Variants in WDR41 observed in about 807,000 individuals in gnomAD.
The protein encoded by WDR41 is WD repeat domain 41.
WDR41 carries 63 observed loss-of-function variants against 69.3 expected under a neutral mutation model. That is an observed-to-expected ratio of 0.91 (90% CI 0.74 to 1.12). The LOEUF is 1.12. Ranked by LOEUF, WDR41 falls within the 50% of genes most tolerant of loss-of-function variation. The probability of loss-of-function intolerance (pLI) is 0.00; values close to 1 mark genes in which losing one functional copy is unlikely to be tolerated. For missense variants in WDR41, 543 were observed against 534.5 expected (o/e 1.02, Z -0.16); for synonymous variants, 185 against 192.1 (o/e 0.96, Z 0.31).
intron 1 of WDR41, among the ~76,000 whole-genome samples, chr5:77,497,994 T>A (rs335657): frequency 0.59 from 89,860 of 152,044 alleles, 27,823 homozygotes; most frequent in African/African-American, 0.77. Flanking sequence ...CCAAACACAG[T>A]AGAATAAATA....
At position 77,613,297 on chromosome 5, in the gene WDR41, T is replaced by G. The variant is rs998413138; in HGVS notation, c.42+7182A>C. On this transcript the variant is annotated intron_variant, in intron 1 of 5. Transcript: ENST00000509971. ...TTCACAGAATTGGAAAAAACTACTT[T>G]AAAGTTCATATGGAACCAAAAAAGA... Among the ~76,000 whole-genome samples the G allele has an allele frequency of 1.9e-3, 282 of 152,208 alleles. 1 individual carries two copies. Among genetic ancestry groups the G allele is most frequent in the African/African-American group, 6.3e-3 (263 of 41,520 alleles).
chr5:77,512,331 T>TGAGTGAGAGAGAGAGAGAGAGA (rs1554034068), intron 1 of WDR41, among the ~76,000 whole-genome samples: 2 of 87,934 alleles, frequency 2.3e-5, no homozygotes, highest in African/African-American at 1.0e-4. Flanking sequence ...ATGGGGTGAG[T>TGAGTGAGAGAGAGAGAGAGAGA]GAGAGAGAGA....
rs34759217 is a variant in WDR41, at chr5:77,599,197, CTTTTTTTTTTTTT to C, written c.42+21269_42+21281del. Among the ~76,000 whole-genome samples, 259 of 76,222 alleles carry C rather than the reference CTTTTTTTTTTTTT, an allele frequency of 3.4e-3. 2 individuals carry two copies. The highest frequency in any genetic ancestry group is 0.012 in the African/African-American group (245 of 20,412). 50.0% of individuals were successfully genotyped at this position (76,222 alleles called of 152,430 possible). ...GGTTATCTCTTGCTAATCGGAAGCT[CTTTTTTTTTTTTT>C]TTTTTTTTTTGAGATGGAGTCTCTC... On this transcript the variant is annotated intron_variant, in intron 1 of 5. Transcript: ENST00000509971.
At chr5:77,517,390 A>G (rs1382477997) in intron 1 of WDR41, among the ~76,000 whole-genome samples, 2 of 152,072 alleles carry the variant, frequency 1.3e-5, no homozygotes, top group East Asian at 3.8e-4. Flanking sequence ...AACAAAAACA[A>G]AAACAAAAAC....
intron 1 of WDR41, among the ~76,000 whole-genome samples, chr5:77,540,957 C>G (rs1337140476): frequency 6.6e-6 from 1 of 152,016 alleles, no homozygotes; most frequent in African/African-American, 2.4e-5. Flanking sequence ...TTCTAAAACC[C>G]CTACCAGTAC....
At chr5:77,610,199 A>T (rs1041422342) in intron 1 of WDR41, among the ~76,000 whole-genome samples, 9 of 152,382 alleles carry the variant, frequency 5.9e-5, no homozygotes, top group African/African-American at 1.7e-4. Flanking sequence ...CCTGAAAGTT[A>T]TGGGGAGAAT....
intron 1 of WDR41, among the ~76,000 whole-genome samples, chr5:77,620,314 A>G (rs1744757181): frequency 6.6e-6 from 1 of 152,228 alleles, no homozygotes; most frequent in South Asian, 2.1e-4. Flanking sequence ...AAGAGTTTAA[A>G]ATAGAAAGTT....
intron 2 of WDR41, among the ~76,000 whole-genome samples, chr5:77,468,567 G>T (rs919543861): frequency 6.6e-6 from 1 of 152,062 alleles, no homozygotes; most frequent in Non-Finnish European, 1.5e-5. Flanking sequence ...TCATTTAATA[G>T]TTCTTACTCA....
intron 1 of WDR41, among the ~76,000 whole-genome samples, chr5:77,500,658 A>T (rs1802004340): frequency 6.6e-6 from 1 of 152,188 alleles, no homozygotes; most frequent in African/African-American, 2.4e-5. Flanking sequence ...TAGTCCCATA[A>T]CCATTTACAA....
intron 1 of WDR41, among the ~76,000 whole-genome samples, chr5:77,617,409 G>T (rs1305268114): frequency 6.6e-6 from 1 of 151,880 alleles, no homozygotes; most frequent in African/African-American, 2.4e-5. Context: ...CACACACACA[G>T]ATGCATTAAA....
chr5:77,439,426 G>A (rs569047940), intron 9 of WDR41, among the ~76,000 whole-genome samples: 2 of 152,160 alleles, frequency 1.3e-5, no homozygotes, highest in East Asian at 1.9e-4. Flanking sequence ...CAATGCAGCC[G>A]AGGCCCAATG....
At chr5:77,545,728 C>T in intron 1 of WDR41, 1 of 552,434 alleles carries the variant, frequency 1.8e-6, no homozygotes, top group Non-Finnish European at 3.2e-6. Flanking sequence ...CCACGCTGGC[C>T]AGTGCACCAG....
At chr5:77,512,732 G>A (rs1204636403) in intron 1 of WDR41, among the ~76,000 whole-genome samples, 2 of 105,094 alleles carry the variant, frequency 1.9e-5, no homozygotes, top group East Asian at 2.5e-4. Context: ...GCGAGAGAGC[G>A]AAGACTCCAT....
intron 1 of WDR41, among the ~76,000 whole-genome samples, chr5:77,608,534 C>A (rs967928828): frequency 6.6e-6 from 1 of 152,184 alleles, no homozygotes; most frequent in African/African-American, 2.4e-5. Context: ...ATCACAACAG[C>A]CACATTTCAA....
intron 1 of WDR41, among the ~76,000 whole-genome samples, chr5:77,618,886 G>C (rs956964695): frequency 1.3e-5 from 2 of 152,174 alleles, no homozygotes; most frequent in African/African-American, 4.8e-5. Flanking sequence ...CGTTTTAGAA[G>C]AAATGGGATC....
intron 1 of WDR41, among the ~76,000 whole-genome samples, chr5:77,531,718 T>C (rs1168323913): frequency 6.6e-6 from 1 of 152,022 alleles, no homozygotes; most frequent in African/African-American, 2.4e-5. Flanking sequence ...ATGTGGTCTA[T>C]ACATGGTCAT....
intron 1 of WDR41, among the ~76,000 whole-genome samples, chr5:77,574,229 C>T (rs1426045291): frequency 6.6e-6 from 1 of 151,992 alleles, no homozygotes; most frequent in East Asian, 1.9e-4. Context: ...ACCCGGGAGG[C>T]GAAGGGTGCA....
chr5:77,559,555 T>G (rs1430344713), intron 1 of WDR41, among the ~76,000 whole-genome samples: 1 of 151,892 alleles, frequency 6.6e-6, no homozygotes, highest in Non-Finnish European at 1.5e-5. Flanking sequence ...GACATGATTT[T>G]TATATAATGT....
chr5:77,460,976 TAAC>T (rs1164069931), intron 4 of WDR41, among the ~76,000 whole-genome samples: 1 of 152,148 alleles, frequency 6.6e-6, no homozygotes, highest in Non-Finnish European at 1.5e-5. Context: ...AATTTTTTTC[TAAC>T]AACAAAAATC....
Sources: gnomAD v4.1 joint callset for allele counts (sites outside exome capture counted in the v4.1 genomes callset) on GRCh38, gnomAD v4.1.1 for gene constraint, MANE v1.5 for transcripts, NCBI Gene and HGNC (gene_info 2026-07-23, HGNC 2026-07-21) for gene names.